The following EPHA6 variants were observed in gnomAD, a reference collection of about 807,000 sequenced individuals.
EPHA6 encodes the protein EPH receptor A6, also known as ephrin type-A receptor 6.
In EPHA6, 50 loss-of-function variants were observed where a neutral mutation model predicts 112.0. The ratio of observed to expected loss-of-function variants is 0.45; its 90% CI spans 0.36 to 0.56. EPHA6 has a LOEUF of 0.56. EPHA6 is among the 20% of genes least tolerant of loss of function. The pLI is 0.00. For synonymous variants in EPHA6, 529 were observed against 490.7 expected (o/e 1.08, Z -1.03); for missense variants, 1,280 against 1,417.4 (o/e 0.90, Z 1.56).
chr3:96,975,384 G>A (rs755919510), intron 2 of EPHA6, among the ~76,000 whole-genome samples: 10 of 152,156 alleles, frequency 6.6e-5, no homozygotes, highest in Non-Finnish European at 1.2e-4. Flanking sequence ...AGGTCTTAAC[G>A]TCATAGAATA....
chr3:97,319,772 T>C (rs2082021115), intron 5 of EPHA6, among the ~76,000 whole-genome samples: 3 of 151,742 alleles, frequency 2.0e-5, no homozygotes, highest in African/African-American at 7.3e-5. Flanking sequence ...TTAATATTAC[T>C]GAAAGTATTT....
chr3:97,471,662 G>C (rs1417003418), intron 7 of EPHA6, among the ~76,000 whole-genome samples: 1 of 151,654 alleles, frequency 6.6e-6, no homozygotes, highest in Non-Finnish European at 1.5e-5. Context: ...CACGTACATT[G>C]TATAGCTACA....
At chr3:97,033,576 G>C (rs1008010324) in intron 3 of EPHA6, among the ~76,000 whole-genome samples, 1 of 151,892 alleles carries the variant, frequency 6.6e-6, no homozygotes, top group South Asian at 2.1e-4. Flanking sequence ...GATAGTGTTT[G>C]GCTGATAAGA....
At chr3:96,817,189 A>G (rs994105890) in intron 1 of EPHA6, among the ~76,000 whole-genome samples, 2 of 151,950 alleles carry the variant, frequency 1.3e-5, no homozygotes, top group African/African-American at 2.4e-5. Flanking sequence ...TTTTTATCAG[A>G]CACAAATTAT....
intron 5 of EPHA6, among the ~76,000 whole-genome samples, chr3:97,399,761 C>A (rs904780033): frequency 6.6e-6 from 1 of 151,532 alleles, no homozygotes; most frequent in Non-Finnish European, 1.5e-5. Flanking sequence ...AGATCTTTTG[C>A]CCATTGTTAA....
intron 5 of EPHA6, among the ~76,000 whole-genome samples, chr3:97,393,673 G>A (rs746546613): frequency 2.4e-4 from 37 of 151,718 alleles, no homozygotes; most frequent in Non-Finnish European, 4.7e-4. Context: ...ATGGCAGGAG[G>A]AAGTAGGAAG....
intron 11 of EPHA6, among the ~76,000 whole-genome samples, chr3:97,589,539 C>T (rs2093523895): frequency 6.6e-6 from 1 of 151,926 alleles, no homozygotes; most frequent in African/African-American, 2.4e-5. Flanking sequence ...AATTTTTTTT[C>T]AGAGATTATA....
chr3:97,129,481 G>A (rs1360952299), intron 3 of EPHA6, among the ~76,000 whole-genome samples: 46 of 149,698 alleles, frequency 3.1e-4, no homozygotes, highest in African/African-American at 1.0e-3. Context: ...CAGCCTGGGC[G>A]ACAGACTTCG....
At chr3:97,374,554 G>A (rs2085239456) in intron 5 of EPHA6, among the ~76,000 whole-genome samples, 1 of 152,022 alleles carries the variant, frequency 6.6e-6, no homozygotes, top group African/African-American at 2.4e-5. Flanking sequence ...ATTGCATAAT[G>A]CTAAGGTTTA....
chr3:96,830,142 GGTC>G (rs2033964986), intron 1 of EPHA6, among the ~76,000 whole-genome samples: 2 of 151,780 alleles, frequency 1.3e-5, no homozygotes, highest in Non-Finnish European at 2.9e-5. Context: ...CTATAATTCA[GGTC>G]ATATTACATT....
rs1380536701 is a variant in EPHA6, at chr3:97,662,997, C to T, written c.2784+24915C>T. On this transcript the variant is annotated intron_variant, in intron 14 of 17. Coordinates refer to ENST00000389672, the MANE Select transcript of EPHA6 (RefSeq NM_001080448.3). The stretch of plus-strand genomic sequence containing the variant: ...GAAGCAACTTGGAATTTACATCCCA[C>T]CAGGGTCAGTCTTTGATCAATGACT... Among the ~76,000 whole-genome samples, 4 of 152,182 alleles carry T rather than the reference C, an allele frequency of 2.6e-5. No individual in the cohort carries two copies. The East Asian group carries it at 7.7e-4, about 29-fold the overall frequency.
At chr3:97,515,480 C>T (rs765625969) in intron 10 of EPHA6, among the ~76,000 whole-genome samples, 7 of 152,152 alleles carry the variant, frequency 4.6e-5, no homozygotes, top group Non-Finnish European at 8.8e-5. Flanking sequence ...TAACAGGATT[C>T]TTCTGATGGA....
At chr3:97,494,206 A>C (rs2107532456) in intron 10 of EPHA6, among the ~76,000 whole-genome samples, 1 of 152,332 alleles carries the variant, frequency 6.6e-6, no homozygotes, top group Non-Finnish European at 1.5e-5. Flanking sequence ...CCCTGATTAT[A>C]ATGGAAAAGT....
intron 2 of EPHA6, among the ~76,000 whole-genome samples, chr3:96,868,451 T>G (rs1237218985): frequency 6.6e-6 from 1 of 151,604 alleles, no homozygotes; most frequent in Non-Finnish European, 1.5e-5. Context: ...TAGGTTACAG[T>G]ACTTAAAATC....
chr3:97,187,597 A>G (rs1418246574), intron 3 of EPHA6, among the ~76,000 whole-genome samples: 6 of 150,582 alleles, frequency 4.0e-5, no homozygotes, highest in Non-Finnish European at 7.4e-5. Context: ...AAAAAAAAAA[A>G]GAAAAGAGAA....
chr3:97,575,463 A>T (rs373156618), intron 11 of EPHA6, among the ~76,000 whole-genome samples: 3 of 152,188 alleles, frequency 2.0e-5, no homozygotes, highest in African/African-American at 7.2e-5. Context: ...TACCTTAAAA[A>T]TTCACAAAGT....
intron 7 of EPHA6, among the ~76,000 whole-genome samples, chr3:97,450,977 G>T (rs1433973015): frequency 2.6e-5 from 4 of 151,908 alleles, no homozygotes; most frequent in Non-Finnish European, 5.9e-5. Flanking sequence ...GAGAGGCTGG[G>T]GTTCTTTCTT....
chr3:97,589,990 C>A (rs1003358329), intron 11 of EPHA6, among the ~76,000 whole-genome samples: 5 of 152,090 alleles, frequency 3.3e-5, no homozygotes, highest in Admixed American at 1.3e-4. Flanking sequence ...TTATATCAAA[C>A]CCCAAAACTT....
chr3:97,663,477 C>T (rs1368210280), intron 14 of EPHA6, among the ~76,000 whole-genome samples: 1 of 147,786 alleles, frequency 6.8e-6, no homozygotes, highest in Non-Finnish European at 1.5e-5. Flanking sequence ...AATGCTATCG[C>T]TCCCCCCTCC....
Sources: allele counts gnomAD v4.1 joint callset (sites outside exome capture counted in the v4.1 genomes callset), GRCh38; gene constraint gnomAD v4.1.1; transcripts MANE v1.5; gene names NCBI Gene and HGNC (gene_info 2026-07-23, HGNC 2026-07-21).